Variants in CNTN4 observed in about 807,000 individuals in gnomAD.
CNTN4 encodes the protein contactin-4.
CNTN4 carries 77 observed loss-of-function variants against 122.5 expected under a neutral mutation model. That is an observed-to-expected ratio of 0.63 (90% CI 0.52 to 0.76). CNTN4 has a LOEUF of 0.76. Ranked by LOEUF, CNTN4 falls within the 30% of genes least tolerant of loss-of-function variation. CNTN4 has a pLI of 0.00. For missense variants in CNTN4, 1,256 were observed against 1,259.1 expected, an observed-to-expected ratio of 1.00 and a Z score of 0.04; for synonymous variants, 512 against 447.0, an observed-to-expected ratio of 1.15 and a Z score of -1.83.
intron 4 of CNTN4, among the ~76,000 whole-genome samples, chr3:2,720,855 T>C (rs2087806438): frequency 6.6e-6 from 1 of 152,214 alleles, no homozygotes; most frequent in Admixed American, 6.5e-5. Context: ...CACAAGGAAG[T>C]TGAGGCACAA....
At chr3:2,360,449 A>C (rs992683425) in intron 3 of CNTN4, among the ~76,000 whole-genome samples, 1 of 152,226 alleles carries the variant, frequency 6.6e-6, no homozygotes, top group Non-Finnish European at 1.5e-5. Context: ...TCAGTCTTCT[A>C]TAATATGTTT....
At chr3:2,373,044 C>T (rs2045689483) in intron 3 of CNTN4, among the ~76,000 whole-genome samples, 1 of 152,162 alleles carries the variant, frequency 6.6e-6, no homozygotes, top group African/African-American at 2.4e-5. Context: ...AAGACTCTGT[C>T]TCAAAAATCA....
At chr3:2,273,771 C>A (rs1184814534) in intron 2 of CNTN4, among the ~76,000 whole-genome samples, 2 of 152,096 alleles carry the variant, frequency 1.3e-5, no homozygotes, top group African/African-American at 4.8e-5. Flanking sequence ...CATAACACAC[C>A]TGGTATTAAA....
chr3:2,608,560 C>G (rs1250276598), intron 4 of CNTN4, among the ~76,000 whole-genome samples: 1 of 152,220 alleles, frequency 6.6e-6, no homozygotes, highest in Non-Finnish European at 1.5e-5. Context: ...CAACCTCTGC[C>G]TCATGGGTTC....
intron 7 of CNTN4, among the ~76,000 whole-genome samples, chr3:2,830,252 T>C (rs2093074399): frequency 6.6e-6 from 1 of 152,200 alleles, no homozygotes; most frequent in Admixed American, 6.5e-5. Context: ...GATACACAGA[T>C]TTCAATTCAA....
intron 6 of CNTN4, among the ~76,000 whole-genome samples, chr3:2,800,649 T>A (rs921910658): frequency 1.3e-5 from 2 of 152,220 alleles, no homozygotes; most frequent in Non-Finnish European, 2.9e-5. Flanking sequence ...GTCACTCCTC[T>A]GTTCAGAAAC....
chr3:2,359,294 T>A (rs182646352), intron 3 of CNTN4, among the ~76,000 whole-genome samples: 20 of 151,962 alleles, frequency 1.3e-4, no homozygotes, highest in African/African-American at 4.8e-4. Flanking sequence ...TACAGCTATG[T>A]AATTATTACA....
At chr3:2,270,484 T>G (rs2041248931) in intron 2 of CNTN4, among the ~76,000 whole-genome samples, 1 of 150,166 alleles carries the variant, frequency 6.7e-6, no homozygotes. Flanking sequence ...TTGCCTTATG[T>G]TAATACATCA....
At chr3:2,607,823 G>C (rs1000378558) in intron 4 of CNTN4, among the ~76,000 whole-genome samples, 2 of 151,994 alleles carry the variant, frequency 1.3e-5, no homozygotes, top group Admixed American at 6.6e-5. Flanking sequence ...TCTGGCTTTT[G>C]ATTATGTAGG....
chr3:2,220,508 A>T (rs1326302412), intron 2 of CNTN4, among the ~76,000 whole-genome samples: 1 of 152,136 alleles, frequency 6.6e-6, no homozygotes, highest in South Asian at 2.1e-4. Flanking sequence ...TTGTCAAGAT[A>T]TGTAAGAAAG....
intron 2 of CNTN4, among the ~76,000 whole-genome samples, chr3:2,301,876 C>T (rs1559432165): frequency 6.6e-6 from 1 of 152,184 alleles, no homozygotes; most frequent in African/African-American, 2.4e-5. Flanking sequence ...TTAAGTATTT[C>T]CACAGATTAG....
At chr3:2,637,550 C>A (rs933543084) in intron 4 of CNTN4, among the ~76,000 whole-genome samples, 1 of 152,050 alleles carries the variant, frequency 6.6e-6, no homozygotes. Context: ...ATACAGGGGC[C>A]CAAGTATGTC....
chr3:2,868,270 T>A (rs2093746470), intron 8 of CNTN4, among the ~76,000 whole-genome samples: 1 of 152,216 alleles, frequency 6.6e-6, no homozygotes, highest in Non-Finnish European at 1.5e-5. Flanking sequence ...ACGGGGAAAC[T>A]GGGGCTCAGC....
In CNTN4 at chr3:2,595,358, A is replaced by G. The variant is rs184180528; in HGVS notation, c.55+23800A>G. Among the ~76,000 whole-genome samples, 256 of 152,296 alleles carry G rather than the reference A, an allele frequency of 1.7e-3. 1 individual carries two copies. Among genetic ancestry groups the G allele is most frequent in the African/African-American group, 5.1e-3 (211 of 41,558 alleles). On this transcript the variant is annotated intron_variant, in intron 4 of 24. Coordinates refer to ENST00000418658, the MANE Select transcript of CNTN4 (RefSeq NM_175607.3). ...AATAGACTTCAGGAAAAATTCCACA[A>G]TGTCACATATCATGCATGGCCTAGA...
intron 4 of CNTN4, among the ~76,000 whole-genome samples, chr3:2,582,001 A>G (rs554680695): frequency 6.6e-6 from 1 of 152,202 alleles, no homozygotes; most frequent in Non-Finnish European, 1.5e-5. Context: ...GTGAGGGAGG[A>G]TAAGGAACGA....
At chr3:2,379,121 A>G (rs1472666033) in intron 3 of CNTN4, among the ~76,000 whole-genome samples, 1 of 152,218 alleles carries the variant, frequency 6.6e-6, no homozygotes, top group Non-Finnish European at 1.5e-5. Context: ...TAAATATGGA[A>G]TAACAACACA....
chr3:2,340,708 T>TAGAGAGAGAGAGAG (rs1414538595), intron 3 of CNTN4, among the ~76,000 whole-genome samples: 2 of 25,362 alleles, frequency 7.9e-5, no homozygotes, highest in Non-Finnish European at 2.1e-4. Context: ...TATATATATA[T>TAGAGAGAGAGAGAG]ATAGAGAGAG....
intron 5 of CNTN4, among the ~76,000 whole-genome samples, chr3:2,738,619 T>C (rs2089280050): frequency 1.3e-5 from 2 of 152,154 alleles, no homozygotes; most frequent in Non-Finnish European, 2.9e-5. Flanking sequence ...AAAAGAATAC[T>C]GTCTTGTGAA....
intron 3 of CNTN4, among the ~76,000 whole-genome samples, chr3:2,400,441 A>ATATATATATATG (rs2046814027): frequency 1.5e-5 from 2 of 136,380 alleles, no homozygotes; most frequent in Non-Finnish European, 3.2e-5. Context: ...ATATATATAT[A>ATATATATATATG]TATATATATC....
Sources: allele counts gnomAD v4.1 joint callset (sites outside exome capture counted in the v4.1 genomes callset), GRCh38; gene constraint gnomAD v4.1.1; transcripts MANE v1.5; gene names NCBI Gene and HGNC (gene_info 2026-07-23, HGNC 2026-07-21).